The following RFTN1 variants were observed in gnomAD, a reference collection of about 807,000 sequenced individuals.
RFTN1 encodes the protein raftlin.
RFTN1 carries 26 observed loss-of-function variants against 46.5 expected under a neutral mutation model. That is an observed-to-expected ratio of 0.56 (90% CI 0.41 to 0.78). The LOEUF is 0.78. Ranked by LOEUF, RFTN1 falls within the 30% of genes least tolerant of loss-of-function variation. RFTN1 has a pLI of 0.00. For synonymous variants in RFTN1, 261 were observed against 284.2 expected, an observed-to-expected ratio of 0.92 and a Z score of 0.82; for missense variants, 693 against 718.7, an observed-to-expected ratio of 0.96 and a Z score of 0.41.
rs1164796055 is a variant in RFTN1, at chr3:16,322,180, G to T, written c.1332+1196C>A. 6.6e-6 allele frequency among the ~76,000 whole-genome samples: 1 copy of T among 152,196 alleles called. No individual in the cohort carries two copies. Among genetic ancestry groups the T allele is most frequent in the Admixed American group, 6.5e-5 (1 of 15,288 alleles). ...AGCTGGTGGCTGCCTGCTCCTGGTG[G>T]TTGATGGTGGGCTGGCAGTTCCCTT... On this transcript the variant is annotated intron_variant, in intron 9 of 9. Transcript: ENST00000334133. The surrounding 1 kb of genome is among the most constrained non-coding windows in gnomAD (Gnocchi z 6.2).
chr3:16,384,790 C>T lies in RFTN1; in HGVS notation c.442-6688G>A, dbSNP rs948796980. Among the ~76,000 whole-genome samples, 2 of 152,124 alleles carry T rather than the reference C, an allele frequency of 1.3e-5. No individual in the cohort carries two copies. Among genetic ancestry groups the T allele is most frequent in the African/African-American group, 4.8e-5 (2 of 41,416 alleles). ...TAAAATAAAATTTAAATATTCCTCT[C>T]CTTAGTCACATGAGTCACATTTCAA... On this transcript the variant is annotated intron_variant, in intron 4 of 9. Transcript: ENST00000334133. The surrounding 1 kb of genome is among the most constrained non-coding windows in gnomAD (Gnocchi z 4.7).
chr3:16,470,097 G>A (rs1006148051), intron 2 of RFTN1, among the ~76,000 whole-genome samples: 1 of 152,166 alleles, frequency 6.6e-6, no homozygotes, highest in African/African-American at 2.4e-5. Flanking sequence ...CCAGAGATGG[G>A]ATTTCTCTGG....
chr3:16,328,037 A>G (rs1028462303), intron 7 of RFTN1, among the ~76,000 whole-genome samples: 6 of 152,202 alleles, frequency 3.9e-5, no homozygotes, highest in African/African-American at 1.2e-4. Flanking sequence ...GTATGCCCAC[A>G]TAGTTCATTT....
intron 6 of RFTN1, among the ~76,000 whole-genome samples, chr3:16,369,040 G>A (rs907783868): frequency 2.6e-5 from 4 of 152,160 alleles, no homozygotes; most frequent in African/African-American, 7.2e-5. Flanking sequence ...CTATGATAAC[G>A]TGTCAATATT....
At chr3:16,375,039 GA>G (rs1356182530) in intron 5 of RFTN1, among the ~76,000 whole-genome samples, 1 of 152,238 alleles carries the variant, frequency 6.6e-6, no homozygotes, top group Non-Finnish European at 1.5e-5. Flanking sequence ...TGAGGAGAAG[GA>G]GGGAAGAGGA....
intron 4 of RFTN1, among the ~76,000 whole-genome samples, chr3:16,397,802 TTTC>T (rs2074504507): frequency 6.6e-6 from 1 of 151,990 alleles, no homozygotes; most frequent in African/African-American, 2.4e-5. Flanking sequence ...CTCTTTCTTT[TTTC>T]TTTCTTTCTC....
intron 9 of RFTN1, among the ~76,000 whole-genome samples, chr3:16,318,004 C>T (rs1214202659): frequency 6.6e-6 from 1 of 152,226 alleles, no homozygotes; most frequent in Non-Finnish European, 1.5e-5. Context: ...CCTCTAAAAA[C>T]TTCCAATCTC....
At chr3:16,404,655 TC>T (rs767019826) in intron 4 of RFTN1, among the ~76,000 whole-genome samples, 1 of 151,688 alleles carries the variant, frequency 6.6e-6, no homozygotes, top group Non-Finnish European at 1.5e-5. Context: ...CAACCCATGC[TC>T]CTGTGCATGC....
In RFTN1 at chr3:16,498,422, G is replaced by A. The variant is rs576440339; in HGVS notation, c.-8-4545C>T. Among the ~76,000 whole-genome samples the A allele has an allele frequency of 6.6e-6, 1 of 152,292 alleles. No homozygotes were observed. The highest frequency in any genetic ancestry group is 1.9e-4 in the East Asian group (1 of 5,188). ...CAGGCAGGTCACTGAACCTGTTCTGGTTCTGAGGCTGCCCAATTTATGAAG... is the reference window on the plus strand; with the variant it reads ...CAGGCAGGTCACTGAACCTGTTCTGATTCTGAGGCTGCCCAATTTATGAAG... On this transcript the variant is annotated intron_variant, in intron 1 of 9. Transcript: ENST00000334133. This position sits in a 1 kb window ranked among gnomAD's most constrained non-coding sequence, Gnocchi z 5.2.
rs201379430 is a variant in RFTN1, at chr3:16,378,053, T to C, written c.491A>G (p.Gln164Arg). Residue 164 changes from glutamine to arginine, a missense_variant, in exon 5 of 10, where the codon CAG becomes CGG. By Grantham distance (43) the Gln-to-Arg change is conservative (BLOSUM62 1). Coordinates refer to ENST00000334133, the MANE Select transcript of RFTN1 (RefSeq NM_015150.2). ...QGLKFVGVIP[Q>R]YHSSVNSAGS... ...TGCCGAGTTCACAGAGGAATGGTAC[T>C]GAGGTATAACACCAACGAATTTCAG... The C allele has an allele frequency of 3.4e-5, 55 of 1,614,260 alleles. No homozygotes were observed. The East Asian group carries it at 1.2e-3, about 35-fold the overall frequency.
At position 16,507,187 on chromosome 3, in the gene RFTN1, A is replaced by G. The variant is rs1442039938; in HGVS notation, c.-9+6255T>C. ...AGGGCTCAGAAGAGCTCAGACACAT[A>G]GAAAGAGCAGTATAAATATTAACCG... is the stretch of plus-strand genomic sequence containing the variant. On this transcript the variant is annotated intron_variant, in intron 1 of 9. Coordinates refer to ENST00000334133, the MANE Select transcript of RFTN1 (RefSeq NM_015150.2). The surrounding 1 kb of genome is among the most constrained non-coding windows in gnomAD (Gnocchi z 7.1). 6.6e-6 allele frequency among the ~76,000 whole-genome samples: 1 copy of G among 152,228 alleles called. No homozygotes were observed. The highest frequency in any genetic ancestry group is 1.9e-4 in the East Asian group (1 of 5,206).
chr3:16,472,469 G>A (rs1013506133), intron 2 of RFTN1: 2 of 152,204 alleles, frequency 1.3e-5, no homozygotes, highest in African/African-American at 2.4e-5. Flanking sequence ...ACCTTAAAAA[G>A]TTTTCAGAAT....
At chr3:16,403,080 G>A (rs1292298840) in intron 4 of RFTN1, among the ~76,000 whole-genome samples, 1 of 152,176 alleles carries the variant, frequency 6.6e-6, no homozygotes, top group African/African-American at 2.4e-5. Context: ...GCAAGGGCCT[G>A]GAGCCCATCC....
At chr3:16,441,680 T>C (rs1202987673) in intron 2 of RFTN1, among the ~76,000 whole-genome samples, 1 of 152,362 alleles carries the variant, frequency 6.6e-6, no homozygotes, top group Admixed American at 6.5e-5. Flanking sequence ...TTTAACCTAA[T>C]TATTCAAAGT....
At chr3:16,404,304 TAATA>T (rs1575235955) in intron 4 of RFTN1, among the ~76,000 whole-genome samples, 1 of 26,184 alleles carries the variant, frequency 3.8e-5, no homozygotes, top group East Asian at 1.2e-3. Flanking sequence ...ATATAATATG[TAATA>T]TATATTATAT....
rs1396121733 is a variant in RFTN1 at position 16,447,565 on chromosome 3, T to C, written c.146-13528A>G. ...TTCCCACTAAAGAAAACGGGGTCCC[T>C]AATGGTGTTTGGGGGCACATGCACA... On this transcript the variant is annotated intron_variant, in intron 2 of 9. Transcript: ENST00000334133. This position sits in a 1 kb window ranked among gnomAD's most constrained non-coding sequence, Gnocchi z 5.9. Among the ~76,000 whole-genome samples, 1 of 152,184 alleles carries C rather than the reference T, an allele frequency of 6.6e-6. No homozygotes were observed. The highest frequency in any genetic ancestry group is 1.5e-5 in the Non-Finnish European group (1 of 68,022).
intron 4 of RFTN1, among the ~76,000 whole-genome samples, chr3:16,398,991 A>G (rs9310497): frequency 0.033 from 5,029 of 152,316 alleles, 266 homozygotes; most frequent in African/African-American, 0.11. Flanking sequence ...CAGGCTGTCC[A>G]CAGAGCTAAC....
Position 16,371,948 on chromosome 3 carries a change from G to A in RFTN1, c.827-1669C>T, listed in dbSNP as rs562851702. 3.3e-5 allele frequency among the ~76,000 whole-genome samples: 5 copies of A among 152,320 alleles called. No individual in the cohort carries two copies. The South Asian group carries it at 1.0e-3, about 32-fold the overall frequency. On this transcript the variant is annotated intron_variant, in intron 5 of 9. Transcript: ENST00000334133. Reference sequence around the variant, plus strand: ...GGAGGTTCGTAATGGAGGGAATCCGGCCATAAATTGGGGCTGGGGTGGGCA... The same window carrying A: ...GGAGGTTCGTAATGGAGGGAATCCGACCATAAATTGGGGCTGGGGTGGGCA...
chr3:16,415,430 T>TACACACACACAC (rs1553589390), intron 3 of RFTN1, among the ~76,000 whole-genome samples: 138 of 114,026 alleles, frequency 1.2e-3, no homozygotes, highest in Non-Finnish European at 2.0e-3. Context: ...TATATATATA[T>TACACACACACAC]ACACACACAC....
Sources: gnomAD v4.1 joint callset for allele counts (sites outside exome capture counted in the v4.1 genomes callset) on GRCh38, gnomAD v4.1.1 for gene constraint, Gnocchi (gnomAD v3.1) non-coding constraint, MANE v1.5 for transcripts, NCBI Gene and HGNC (gene_info 2026-07-23, HGNC 2026-07-21) for gene names.